The following RPS10 variants were observed in gnomAD, a reference collection of about 807,000 sequenced individuals.
RPS10 encodes the protein ribosomal protein S10, also known as small ribosomal subunit protein eS10.
RPS10 carries 2 observed loss-of-function variants against 22.6 expected under a neutral mutation model. The ratio of observed to expected loss-of-function variants is 0.09; its 90% CI spans 0.04 to 0.28. The LOEUF (loss-of-function observed/expected upper bound fraction) is 0.28, where lower values mean the gene tolerates loss of function less well. Ranked by LOEUF, RPS10 falls within the 10% of genes least tolerant of loss-of-function variation. The pLI is 1.00. For missense variants in RPS10, 137 were observed against 222.2 expected, an observed-to-expected ratio of 0.62 and a Z score of 2.44; for synonymous variants, 70 against 75.9, an observed-to-expected ratio of 0.92 and a Z score of 0.40.
rs758889672 is a variant in RPS10, at chr6:34,417,479, T to A, written c.*27A>T. The A allele has an allele frequency of 6.2e-7, 1 of 1,603,404 alleles. No homozygotes were observed. Among genetic ancestry groups the A allele is most frequent in the East Asian group, 2.2e-5 (1 of 44,848 alleles). On this transcript the variant is annotated 3_prime_UTR_variant, in exon 6 of 6. Coordinates refer to ENST00000648437, the MANE Select transcript of RPS10 (RefSeq NM_001014.5). ...TTAAGGTTTTTTGGCTGTAAGTTTA[T>A]TCAATGCAAAAGAATCCTCTCCAAT... is the stretch of plus-strand genomic sequence containing the variant.
rs568477883 is a variant in RPS10 at position 34,418,278 on chromosome 6, A to G, written c.456+91T>C. 1.2e-5 allele frequency: 20 copies of G among 1,605,204 alleles called. No homozygotes were observed. The African/African-American group carries it at 1.9e-4, about 15-fold the overall frequency. ...GGGAACTGGTTGACAGGACCCACCC[A>G]TACTATATGACATCCCCACAACTTG... On this transcript the variant is annotated intron_variant, in intron 5 of 5. Coordinates refer to ENST00000648437, the MANE Select transcript of RPS10 (RefSeq NM_001014.5).
intron 5 of RPS10, chr6:34,417,768 G>A: frequency 1.4e-6 from 1 of 717,838 alleles, no homozygotes; most frequent in Non-Finnish European, 2.6e-6. Context: ...TGGGAGTATG[G>A]CCACCCACCC....
intron 4 of RPS10, among the ~76,000 whole-genome samples, chr6:34,418,805 A>G (rs1305564823): frequency 6.6e-6 from 1 of 152,184 alleles, no homozygotes; most frequent in Non-Finnish European, 1.5e-5. Flanking sequence ...ATGGGAGAAA[A>G]GCAGACAAGA....
At chr6:34,424,900 G>A in intron 2 of RPS10, 60 bp from the exon 3 acceptor site, 1 of 1,611,896 alleles carries the variant, frequency 6.2e-7, no homozygotes, top group Admixed American at 1.7e-5. Context: ...TCCTAGGCAA[G>A]TCTCCAGTCC....
At chr6:34,417,573 G>A (rs1765621740) in intron 5 of RPS10, 26 bp from the exon 6 acceptor site, 2 of 1,612,844 alleles carry the variant, frequency 1.2e-6, no homozygotes, top group Middle Eastern at 3.5e-4. Context: ...CATCACATCA[G>A]CATGAGCGGC....
chr6:34,421,848 A>G (rs775264580), intron 3 of RPS10, 41 bp from the exon 4 acceptor site: 39 of 1,612,282 alleles, frequency 2.4e-5, no homozygotes, highest in Non-Finnish European at 3.3e-5. Context: ...GGGCAATGTG[A>G]GAACTCTGTC....
At chr6:34,420,778 G>A (rs1765734050) in intron 4 of RPS10, among the ~76,000 whole-genome samples, 3 of 151,842 alleles carry the variant, frequency 2.0e-5, no homozygotes, top group Admixed American at 6.6e-5. Context: ...AGGCTGAGGC[G>A]GGCGGATCAT....
At chr6:34,421,574 G>A (rs183432398) in intron 4 of RPS10, among the ~76,000 whole-genome samples, 156 bp downstream of exon 4, 200 of 152,198 alleles carry the variant, frequency 1.3e-3, no homozygotes, top group African/African-American at 4.6e-3. Flanking sequence ...AAGCACAAAG[G>A]ACTCCAGCTG....
intron 3 of RPS10, among the ~76,000 whole-genome samples, chr6:34,423,430 G>A (rs1205862595): frequency 6.6e-6 from 1 of 152,154 alleles, no homozygotes; most frequent in African/African-American, 2.4e-5. Flanking sequence ...CTGCACTCAG[G>A]CAGAATGAAC....
intron 5 of RPS10, chr6:34,417,774 C>A: frequency 1.4e-6 from 1 of 718,106 alleles, no homozygotes; most frequent in Non-Finnish European, 2.6e-6. Context: ...TATGGCCACC[C>A]ACCCAGAGTG....
chr6:34,424,166 C>CAAAAAAAAAAAAAAAAAAAAA (rs1765871776), intron 3 of RPS10: 2 of 12,974 alleles, frequency 1.5e-4, no homozygotes, highest in African/African-American at 2.5e-4. Context: ...AAAAAAAAAG[C>CAAAAAAAAAAAAAAAAAAAAA]AACTGTGAGC....
chr6:34,421,912 CT>C lies in RPS10; in HGVS notation c.323-106del, dbSNP rs139077668. On this transcript the variant is annotated intron_variant, in intron 3 of 5. Coordinates refer to ENST00000648437, the MANE Select transcript of RPS10 (RefSeq NM_001014.5). ...CTCCTGTTGTCACTCTCAGCAACCA[CT>C]TGGTTAAGATGGGTTAATGGGGACA... 11,201 of 1,246,296 alleles carry C rather than the reference CT, an allele frequency of 9.0e-3. 109 individuals are homozygous for C. Among genetic ancestry groups the C allele is most frequent in the Middle Eastern group, 0.018 (97 of 5,392 alleles). 77.2% of individuals were successfully genotyped at this position (1,246,296 alleles called of 1,614,324 possible). A position where few individuals can be genotyped will look rare whatever the true frequency, so the allele number is the denominator to read the frequency against.
At chr6:34,425,429 TA>T in intron 1 of RPS10, 1 of 618,656 alleles carries the variant, frequency 1.6e-6, no homozygotes, top group Non-Finnish European at 2.9e-6. Context: ...GACAGTATGT[TA>T]AAACCAGGAT....
chr6:34,418,494 C>G, intron 4 of RPS10, 70 bp from the exon 5 acceptor site: 4 of 1,609,130 alleles, frequency 2.5e-6, no homozygotes, highest in Non-Finnish European at 3.4e-6. Flanking sequence ...GAAGACAACT[C>G]ACTGACTCCA....
intron 3 of RPS10, among the ~76,000 whole-genome samples, chr6:34,422,390 C>T (rs2113801225): frequency 1.3e-5 from 2 of 152,218 alleles, no homozygotes; most frequent in East Asian, 3.9e-4. Flanking sequence ...TCTTGGCTCA[C>T]TGCAACCTCT....
chr6:34,425,234 G>C lies in RPS10; in HGVS notation c.1-13C>G, dbSNP rs773555603. 6.2e-7 allele frequency: 1 copy of C among 1,600,810 alleles called. No homozygotes were observed. Among genetic ancestry groups the C allele is most frequent in the East Asian group, 2.2e-5 (1 of 44,660 alleles). ...TAGGCATCAACATCTGCAAGAAGGAGACGATTGTCAAGAGCACTTCTGAGT... is the reference window on the plus strand; with the variant it reads ...TAGGCATCAACATCTGCAAGAAGGACACGATTGTCAAGAGCACTTCTGAGT... On this transcript the variant is annotated splice_polypyrimidine_tract_variant and intron_variant, in intron 1 of 5. Transcript: ENST00000648437.
At chr6:34,418,221 T>C (rs940704203) in intron 5 of RPS10, 148 bp downstream of exon 5, 7 of 1,540,698 alleles carry the variant, frequency 4.5e-6, no homozygotes, top group Non-Finnish European at 6.1e-6. Context: ...CAACTCAATG[T>C]AAAATTTGGA....
At chr6:34,425,042 T>A (rs1183887913) in intron 2 of RPS10, 30 bp downstream of exon 2, 1 of 1,611,818 alleles carries the variant, frequency 6.2e-7, no homozygotes, top group Admixed American at 1.7e-5. Context: ...GGGAGGAAGA[T>A]CCATCCCATC....
At chr6:34,424,994 C>CT in intron 2 of RPS10, 78 bp downstream of exon 2, 1 of 1,609,112 alleles carries the variant, frequency 6.2e-7, no homozygotes, top group African/African-American at 1.3e-5. Context: ...GGGAAGATCC[C>CT]TCCATCCCAT....
Sources: gnomAD v4.1 joint callset for allele counts (sites outside exome capture counted in the v4.1 genomes callset) on GRCh38, gnomAD v4.1.1 for gene constraint, MANE v1.5 for transcripts, NCBI Gene and HGNC (gene_info 2026-07-23, HGNC 2026-07-21) for gene names.